RAD54L: variants seen among roughly 807,000 people sequenced by gnomAD.
The protein encoded by RAD54L is RAD54 like, also known as DNA repair and recombination protein RAD54-like.
RAD54L carries 74 observed loss-of-function variants against 91.6 expected under a neutral mutation model. The ratio of observed to expected loss-of-function variants is 0.81; its 90% CI spans 0.67 to 0.98. The LOEUF is 0.98. RAD54L is among the 50% of genes least tolerant of loss of function. The probability of loss-of-function intolerance (pLI) is 0.00; values close to 1 mark genes in which losing one functional copy is unlikely to be tolerated. For missense variants in RAD54L, 887 were observed against 945.7 expected (o/e 0.94, Z 0.81); for synonymous variants, 304 against 349.7 (o/e 0.87, Z 1.46).
intron 16 of RAD54L, among the ~76,000 whole-genome samples, chr1:46,276,208 C>G (rs1660596676): frequency 6.6e-6 from 1 of 152,160 alleles, no homozygotes; most frequent in Non-Finnish European, 1.5e-5. Context: ...GAGACACTTT[C>G]TTTCTGTTGC....
At chr1:46,273,836 TC>T in intron 14 of RAD54L, 89 bp downstream of exon 14, 1 of 1,525,156 alleles carries the variant, frequency 6.6e-7, no homozygotes, top group Non-Finnish European at 8.9e-7. Context: ...TGGGCCAAGA[TC>T]TGGGCACATA....
Position 46,260,563 on chromosome 1 carries a change from G to T in RAD54L, c.429G>T (p.Val143=), listed in dbSNP as rs147070253. 1.7e-5 allele frequency: 27 copies of T among 1,614,100 alleles called. No individual in the cohort carries two copies. The African/African-American group carries it at 3.2e-4, about 19-fold the overall frequency. The change falls in exon 6 of 18, where the codon GTG becomes GTT. Residue 143 remains valine, a synonymous_variant. Coordinates refer to ENST00000371975, the MANE Select transcript of RAD54L (RefSeq NM_003579.4). ...TCAGGGAGAAACTCCCTGTCCATGT[G>T]GTTGTTGACCCTATTCTCAGTAAGG... is the stretch of plus-strand genomic sequence containing the variant. ...KLDKEKLPVH[V]VVDPILSKVL... is the part of the protein sequence containing the mutation.
chr1:46,275,325 G>C (rs1360569296), intron 16 of RAD54L, among the ~76,000 whole-genome samples: 2 of 152,116 alleles, frequency 1.3e-5, no homozygotes, highest in African/African-American at 4.8e-5. Flanking sequence ...TCACACCGTG[G>C]AACTTGTTAG....
intron 2 of RAD54L, 32 bp downstream of exon 2, chr1:46,248,630 A>G: frequency 1.2e-6 from 2 of 1,603,446 alleles, no homozygotes; most frequent in Non-Finnish European, 8.5e-7. Context: ...GAAGGTGGGT[A>G]GAGCTGTTTG....
intron 3 of RAD54L, among the ~76,000 whole-genome samples, chr1:46,250,565 G>A (rs568836156): frequency 6.6e-6 from 1 of 152,304 alleles, no homozygotes; most frequent in South Asian, 2.1e-4. Flanking sequence ...CAGAGTGGGT[G>A]GAGCAGATCT....
chr1:46,265,211 G>A lies in RAD54L; in HGVS notation c.892-2248G>A, dbSNP rs1486394407. Among the ~76,000 whole-genome samples, 9 of 151,966 alleles carry A rather than the reference G, an allele frequency of 5.9e-5. No individual in the cohort carries two copies. In the East Asian group the frequency reaches 1.6e-3, roughly 26 times the overall value. ...TTAATTAAATTTCTAGGCCAAATGC[G>A]GTGGCTTACACCTGTAATCCCAGGA... is the stretch of plus-strand genomic sequence containing the variant. On this transcript the variant is annotated intron_variant, in intron 8 of 17. Transcript: ENST00000371975. This position sits in a 1 kb window ranked among gnomAD's most constrained non-coding sequence, Gnocchi z 4.8.
At chr1:46,249,913 C>A (rs1659751800) in intron 2 of RAD54L, 87 bp from the exon 3 acceptor site, 2 of 1,452,932 alleles carry the variant, frequency 1.4e-6, no homozygotes, top group Admixed American at 1.7e-5. Context: ...CAGTGCCTGG[C>A]ACTTAATAAG....
chr1:46,254,684 T>C (rs1361570961), intron 3 of RAD54L, among the ~76,000 whole-genome samples: 1 of 150,998 alleles, frequency 6.6e-6, no homozygotes, highest in East Asian at 1.9e-4. Flanking sequence ...AATCTTAGGC[T>C]CGGGTATTGC....
intron 14 of RAD54L, 30 bp from the exon 15 acceptor site, chr1:46,274,108 T>A: frequency 6.3e-7 from 1 of 1,581,598 alleles, no homozygotes; most frequent in Non-Finnish European, 8.7e-7. Flanking sequence ...ATTGAAGCTT[T>A]ATTTTCTTGG....
chr1:46,267,227 C>G (rs1445970601), intron 8 of RAD54L, among the ~76,000 whole-genome samples: 1 of 152,148 alleles, frequency 6.6e-6, no homozygotes, highest in Non-Finnish European at 1.5e-5. Context: ...CTATGCCCAG[C>G]TAATTTTTGT....
intron 3 of RAD54L, among the ~76,000 whole-genome samples, chr1:46,251,653 T>A (rs1267998640): frequency 6.6e-6 from 1 of 152,218 alleles, no homozygotes; most frequent in Non-Finnish European, 1.5e-5. Flanking sequence ...ATGCCTGTAA[T>A]CCCAGCATTC....
At chr1:46,272,353 CA>C in intron 10 of RAD54L, 112 bp from the exon 11 acceptor site, 3 of 999,640 alleles carry the variant, frequency 3.0e-6, no homozygotes, top group Non-Finnish European at 4.7e-6. Context: ...GAGTCTCTGA[CA>C]TTTAATACTG....
chr1:46,256,735 T>C (rs1659952583), intron 3 of RAD54L, among the ~76,000 whole-genome samples: 1 of 152,226 alleles, frequency 6.6e-6, no homozygotes, highest in Non-Finnish European at 1.5e-5. Context: ...CTTTATGTTA[T>C]GTTATTTAGT....
intron 2 of RAD54L, among the ~76,000 whole-genome samples, chr1:46,248,865 C>G (rs1329505810): frequency 6.6e-6 from 1 of 152,114 alleles, no homozygotes; most frequent in Admixed American, 6.6e-5. Flanking sequence ...CCTTTTGACT[C>G]TGCTTGGAAA....
rs1169307063 is a variant in RAD54L at position 46,270,746 on chromosome 1, G to C, written c.1130G>C (p.Gly377Ala). The C allele has an allele frequency of 6.2e-7, 1 of 1,614,228 alleles. No homozygotes were observed. The highest frequency in any genetic ancestry group is 8.5e-7 in the Non-Finnish European group (1 of 1,180,030). Residue 377 changes from glycine (G) to alanine (A), a missense_variant, in exon 10 of 18, where the codon GGA becomes GCA. Gly to Ala is a moderately conservative substitution (Grantham distance 60). Coordinates refer to ENST00000371975, the MANE Select transcript of RAD54L (RefSeq NM_003579.4). ...AAASEADRQL[G>A]EERLRELTSI... The stretch of plus-strand genomic sequence containing the variant: ...GCTAGTGAGGCAGACAGGCAGCTAG[G>C]AGAGGAGCGGCTGCGGGAGCTCACC...
In RAD54L at chr1:46,276,027, A is replaced by T. The variant is rs556082221; in HGVS notation, c.1869+1310A>T. ...TCTTCTACCTCTCTGATTACTCATT[A>T]TACTGACAAATCTCTAACTATAAAA... On this transcript the variant is annotated intron_variant, in intron 16 of 17. Coordinates refer to ENST00000371975, the MANE Select transcript of RAD54L (RefSeq NM_003579.4). Among the ~76,000 whole-genome samples the T allele has an allele frequency of 5.9e-4, 89 of 152,104 alleles. 1 individual carries two copies. The South Asian group carries it at 0.018, about 31-fold the overall frequency.
At chr1:46,270,809 T>C (rs1660404918) in intron 10 of RAD54L, 24 bp downstream of exon 10, 2 of 1,613,582 alleles carry the variant, frequency 1.2e-6, no homozygotes, top group African/African-American at 2.7e-5. Context: ...GCGAAGTCAT[T>C]AGAATTGCCT....
Position 46,270,693 on chromosome 1 carries a change from G to T in RAD54L, c.1077G>T (p.Leu359Phe), listed in dbSNP as rs1660397447. The change falls in exon 10 of 18, where the codon TTG becomes TTT. Residue 359 changes from leucine to phenylalanine, a missense_variant. By Grantham distance (22) the Leu-to-Phe change is conservative. Coordinates refer to ENST00000371975, the MANE Select transcript of RAD54L (RefSeq NM_003579.4). ...TAHEFKKHFELPILKGRDAAA... is the reference protein window; with the variant it reads ...TAHEFKKHFEFPILKGRDAAA... ...ATGAATTCAAGAAGCATTTTGAATTGCCAATTTTGAAGGGTCGAGACGCTG... is the reference window on the plus strand; with the variant it reads ...ATGAATTCAAGAAGCATTTTGAATTTCCAATTTTGAAGGGTCGAGACGCTG... 4 of 1,614,196 alleles carry T rather than the reference G, an allele frequency of 2.5e-6. No individual in the cohort carries two copies. Among genetic ancestry groups the T allele is most frequent in the Non-Finnish European group, 3.4e-6 (4 of 1,180,020 alleles).
intron 10 of RAD54L, among the ~76,000 whole-genome samples, chr1:46,271,190 C>T (rs937858444): frequency 2.0e-5 from 3 of 152,170 alleles, no homozygotes; most frequent in Admixed American, 2.0e-4. Flanking sequence ...GTGGTTGTGG[C>T]TCCCAGGCTA....
Sources: allele counts gnomAD v4.1 joint callset (sites outside exome capture counted in the v4.1 genomes callset), GRCh38; gene constraint gnomAD v4.1.1; non-coding constraint Gnocchi (gnomAD v3.1); transcripts MANE v1.5; gene names NCBI Gene and HGNC (gene_info 2026-07-23, HGNC 2026-07-21).